Variants in NOC4L observed in about 807,000 individuals in gnomAD.
NOC4L encodes the protein nucleolar complex protein 4 homolog.
Under a neutral mutation model 62.8 loss-of-function variants are expected in NOC4L, and 40 were observed. The ratio of observed to expected loss-of-function variants is 0.64; its 90% CI spans 0.49 to 0.83. The LOEUF (loss-of-function observed/expected upper bound fraction) is 0.83. Among genes scored for constraint, NOC4L ranks in the 40% least tolerant of loss-of-function variants. The pLI is 0.00. For missense variants in NOC4L, 927 were observed against 701.9 expected (o/e 1.32, Z -3.62); for synonymous variants, 433 against 299.8 (o/e 1.44, Z -4.59).
rs751925836 is a variant in NOC4L, at chr12:132,144,955, TGAG to T, written c.223_225del (p.Glu75del). On this transcript the variant is annotated inframe_deletion, in exon 2 of 15. Transcript: ENST00000330579. ...AGCTGTTTGTGGGCCAGCTGCCCTC[TGAG>T]GAGATGGTCATGACAGGTGAGCCCT... 4 of 1,600,262 alleles carry T rather than the reference TGAG, an allele frequency of 2.5e-6. No individual in the cohort carries two copies. Among genetic ancestry groups the T allele is most frequent in the Non-Finnish European group, 3.4e-6 (4 of 1,174,314 alleles).
At position 132,151,009 on chromosome 12, in the gene NOC4L, C is replaced by G. The variant is rs773610896; in HGVS notation, c.930C>G (p.Asn310Lys). The stretch of plus-strand genomic sequence containing the variant: ...GGGCCCTCAGCCTCTTGGCCTTGAA[C>G]GGGCTGTTCATCTTGATTCACAAAC... ...LGGALSLLAL[N>K]GLFILIHKHN... The change falls in exon 10 of 15, where the codon AAC becomes AAG. Residue 310 changes from asparagine to lysine, a missense_variant. Coordinates refer to ENST00000330579, the MANE Select transcript of NOC4L (RefSeq NM_024078.3). 5.0e-6 allele frequency: 8 copies of G among 1,611,162 alleles called. No homozygotes were observed. Among genetic ancestry groups the G allele is most frequent in the Non-Finnish European group, 6.8e-6 (8 of 1,179,148 alleles).
chr12:132,151,490 C>T lies in NOC4L; in HGVS notation c.1080C>T (p.Leu360=), dbSNP rs781010093. The change falls in exon 12 of 15, where the codon CTC becomes CTT. Residue 360 remains leucine, a synonymous_variant. Coordinates refer to ENST00000330579, the MANE Select transcript of NOC4L (RefSeq NM_024078.3). ...CAACCACTGCCCTGCCCAGCCACCTCCCCGCCTACCTGGTGGCCGCCTTCG... is the reference window on the plus strand; with the variant it reads ...CAACCACTGCCCTGCCCAGCCACCTTCCCGCCTACCTGGTGGCCGCCTTCG... ...LADLFLSSSH[L]PAYLVAAFAK... is the part of the protein sequence containing the mutation. The T allele has an allele frequency of 6.9e-6, 11 of 1,602,384 alleles. No individual in the cohort carries two copies. In the African/African-American group the frequency reaches 1.2e-4, roughly 18 times the overall value.
Position 132,151,292 on chromosome 12 carries a change from C to G in NOC4L, c.997C>G (p.Leu333Val), listed in dbSNP as rs769096350. 6.2e-7 allele frequency: 1 copy of G among 1,612,060 alleles called. No individual in the cohort carries two copies. Among genetic ancestry groups the G allele is most frequent in the Non-Finnish European group, 8.5e-7 (1 of 1,179,946 alleles). Reference sequence around the variant, plus strand: ...TGACTTCTACCGGAAGCTCTACGGCCTCTTGGACCCCTCTGTCTTTCACGT... The same window carrying G: ...TGACTTCTACCGGAAGCTCTACGGCGTCTTGGACCCCTCTGTCTTTCACGT... ...YPDFYRKLYG[L>V]LDPSVFHVKY... Residue 333 changes from leucine (L) to valine (V), a missense_variant, in exon 11 of 15, where the codon CTC becomes GTC. Coordinates refer to ENST00000330579, the MANE Select transcript of NOC4L (RefSeq NM_024078.3).
Position 132,151,061 on chromosome 12 carries a change from C to T in NOC4L, c.962+20C>T, listed in dbSNP as rs1385356117. 6.2e-7 allele frequency: 1 copy of T among 1,603,136 alleles called. No homozygotes were observed. The highest frequency in any genetic ancestry group is 1.3e-5 in the African/African-American group (1 of 74,802). Reference sequence around the variant, plus strand: ...CAACCTGTGAGTGTCACCAGGGGTGCAGGTCTTCTTCCCAGTCTGCCCAGC... The same window carrying T: ...CAACCTGTGAGTGTCACCAGGGGTGTAGGTCTTCTTCCCAGTCTGCCCAGC... On this transcript the variant is annotated intron_variant, in intron 10 of 14. Transcript: ENST00000330579.
chr12:132,151,844 T>A (rs749213102), intron 13 of NOC4L, 24 bp downstream of exon 13: 4 of 1,604,710 alleles, frequency 2.5e-6, no homozygotes, highest in South Asian at 1.1e-5. Flanking sequence ...TGCCACACCC[T>A]GGGGCCTCCC....
rs769817973 is a variant in NOC4L at position 132,152,154 on chromosome 12, C to T, written c.1388C>T (p.Pro463Leu). ...GTCATCAACCAGGCCCTGTCCATGC[C>T]TGAGGTCAGCATCGCGCCACTGCTG... is the stretch of plus-strand genomic sequence containing the variant. ...ASVINQALSM[P>L]EVSIAPLLEL... The change falls in exon 14 of 15, where the codon CCT becomes CTT. Residue 463 changes from proline (P) to leucine (L), a missense_variant. Pro to Leu is a moderately conservative substitution (Grantham distance 98). Transcript: ENST00000330579. 3.5e-5 allele frequency: 56 copies of T among 1,612,304 alleles called. No homozygotes were observed. Among genetic ancestry groups the T allele is most frequent in the Non-Finnish European group, 4.5e-5 (53 of 1,179,874 alleles).
In NOC4L at chr12:132,145,625, G is replaced by C; in HGVS notation, c.305G>C (p.Arg102Pro). 6.2e-7 allele frequency: 1 copy of C among 1,613,540 alleles called. No individual in the cohort carries two copies. The highest frequency in any genetic ancestry group is 8.5e-7 in the Non-Finnish European group (1 of 1,179,892). ...CACCGCTATCACAGCTGCTGCAATC[G>C]CTTGGGAGAGCTCCTGGGCCACCCC... Reference protein sequence around the residue: ...MRHRYHSCCNRLGELLGHPSF... With the variant: ...MRHRYHSCCNPLGELLGHPSF... The change falls in exon 3 of 15, where the codon CGC (arginine) becomes CCC (proline). Residue 102 changes from arginine (R) to proline (P), a missense_variant. Arg to Pro is a moderately radical substitution (Grantham distance 103, BLOSUM62 -2). Transcript: ENST00000330579.
intron 6 of NOC4L, 23 bp from the exon 7 acceptor site, chr12:132,148,049 C>T: frequency 1.2e-6 from 2 of 1,613,538 alleles, no homozygotes; most frequent in South Asian, 1.1e-5. Flanking sequence ...GTCAGGTGAC[C>T]TTTGCCCTCG....
rs1181137386 is a variant in NOC4L at position 132,148,091 on chromosome 12, G to T, written c.723G>T (p.Lys241Asn). The T allele has an allele frequency of 1.2e-6, 2 of 1,613,382 alleles. No homozygotes were observed. Among genetic ancestry groups the T allele is most frequent in the Admixed American group, 1.7e-5 (1 of 59,986 alleles). Residue 241 changes from lysine (K) to asparagine (N), a missense_variant, in exon 7 of 15, where the codon AAG becomes AAT. Lys to Asn is a moderately conservative substitution (Grantham distance 94). Coordinates refer to ENST00000330579, the MANE Select transcript of NOC4L (RefSeq NM_024078.3). The stretch of plus-strand genomic sequence containing the variant: ...CTGCAGAGCTGTGGGACACCTGGAA[G>T]GTTGCTCACCTGAAGGTGAGTTGCT... ...VKRAELWDTW[K>N]VAHLKEHRRV...
At chr12:132,146,297 C>T (rs996205182) in intron 3 of NOC4L, 6 of 455,888 alleles carry the variant, frequency 1.3e-5, no homozygotes, top group East Asian at 6.9e-5. Context: ...TCGGCGTGTT[C>T]GAAGTTCGTT....
intron 3 of NOC4L, among the ~76,000 whole-genome samples, chr12:132,146,937 G>C (rs1205400133): frequency 6.6e-6 from 1 of 152,192 alleles, no homozygotes; most frequent in Non-Finnish European, 1.5e-5. Context: ...TCACACGCCT[G>C]TGTTTTCACA....
At position 132,147,923 on chromosome 12, in the gene NOC4L, C is replaced by A. The variant is rs748212526; in HGVS notation, c.647C>A (p.Ala216Asp). Reference sequence around the variant, plus strand: ...AACAATGCCTTCACGCTGCTGTCTGCCGTGAGCCTGCCCCGCCGGGAGCCC... The same window carrying A: ...AACAATGCCTTCACGCTGCTGTCTGACGTGAGCCTGCCCCGCCGGGAGCCC... ...FWNNAFTLLS[A>D]VSLPRREPTV... The change falls in exon 6 of 15, where the codon GCC becomes GAC. Residue 216 changes from alanine to aspartate, a missense_variant. By Grantham distance (126) the Ala-to-Asp change is moderately radical. Coordinates refer to ENST00000330579, the MANE Select transcript of NOC4L (RefSeq NM_024078.3). 1.6e-5 allele frequency: 25 copies of A among 1,602,514 alleles called. No homozygotes were observed. In the East Asian group the frequency reaches 5.2e-4, roughly 33 times the overall value.
chr12:132,148,608 G>A lies in NOC4L; in HGVS notation c.739-1G>A. 1 of 1,549,722 alleles carries A rather than the reference G, an allele frequency of 6.5e-7. No individual in the cohort carries two copies. Among genetic ancestry groups the A allele is most frequent in the Non-Finnish European group, 8.7e-7 (1 of 1,146,382 alleles). On this transcript the variant is annotated splice_acceptor_variant, in intron 7 of 14. Coordinates refer to ENST00000330579, the MANE Select transcript of NOC4L (RefSeq NM_024078.3). LOFTEE classifies it high-confidence loss of function. ...CGAGTGCAGTCTGGACCCCGTTGCA[G>A]GAGCACAGGAGGGTTTTCCAGGCCA...
Position 132,152,284 on chromosome 12 carries a change from C to G in NOC4L, c.1434C>G (p.Ile478Met). 1 of 1,568,270 alleles carries G rather than the reference C, an allele frequency of 6.4e-7. No homozygotes were observed. The highest frequency in any genetic ancestry group is 8.6e-7 in the Non-Finnish European group (1 of 1,157,124). ...CCGCCGTGCTTTGTGCTTTGCAGATCTTTGAGCGGGACCTGAAGAAGAAGG... is the reference window on the plus strand; with the variant it reads ...CCGCCGTGCTTTGTGCTTTGCAGATGTTTGAGCGGGACCTGAAGAAGAAGG... ...APLLELTAYE[I>M]FERDLKKKGP... The change falls in exon 15 of 15, where the codon ATC (isoleucine) becomes ATG (methionine). Residue 478 changes from isoleucine to methionine, a missense_variant and splice_region_variant. Coordinates refer to ENST00000330579, the MANE Select transcript of NOC4L (RefSeq NM_024078.3).
At chr12:132,148,257 T>C (rs1167748375) in intron 7 of NOC4L, 151 bp downstream of exon 7, 10 of 821,770 alleles carry the variant, frequency 1.2e-5, no homozygotes, top group African/African-American at 1.2e-4. Flanking sequence ...TCACTCGAAG[T>C]GTGGGAGGTG....
In NOC4L at chr12:132,147,675, C is replaced by G. The variant is rs754454799; in HGVS notation, c.496C>G (p.Leu166Val). Residue 166 changes from leucine to valine, a missense_variant, in exon 5 of 15, where the codon CTG (leucine) becomes GTG (valine). By Grantham distance (32) the Leu-to-Val change is conservative. Transcript: ENST00000330579. Reference sequence around the variant, plus strand: ...GCTGTCTCCTGAGGAGGACCAGAGCCTGCTCCTGTCCCAGTTCCGGGAGTA... The same window carrying G: ...GCTGTCTCCTGAGGAGGACCAGAGCGTGCTCCTGTCCCAGTTCCGGGAGTA... ...GLLSPEEDQS[L>V]LLSQFREYLD... is the part of the protein sequence containing the mutation. 2.7e-5 allele frequency: 43 copies of G among 1,612,924 alleles called. No homozygotes were observed. The highest frequency in any genetic ancestry group is 3.4e-5 in the Non-Finnish European group (40 of 1,179,946).
Position 132,148,952 on chromosome 12 carries a change from G to A in NOC4L, c.901+57G>A, listed in dbSNP as rs1455166517. On this transcript the variant is annotated intron_variant, in intron 9 of 14. Coordinates refer to ENST00000330579, the MANE Select transcript of NOC4L (RefSeq NM_024078.3). ...CCTAATCCCCTCGGTGAGTGCCGCC[G>A]CCTCACTCCTACCACACCCCTAATC... The A allele has an allele frequency of 2.1e-4, 74 of 356,268 alleles. 2 individuals are homozygous for A. Among genetic ancestry groups the A allele is most frequent in the African/African-American group, 3.4e-4 (10 of 29,364 alleles). 22.1% of individuals were successfully genotyped at this position (356,268 alleles called of 1,614,324 possible).
intron 1 of NOC4L, 71 bp downstream of exon 1, chr12:132,144,676 C>CA: frequency 6.9e-7 from 1 of 1,449,498 alleles, no homozygotes; most frequent in Admixed American, 2.6e-5. Context: ...GCTGCGGCGG[C>CA]AGGTCCCCAG....
chr12:132,144,787 G>C (rs1897643841), intron 1 of NOC4L, 67 bp from the exon 2 acceptor site: 19 of 1,551,938 alleles, frequency 1.2e-5, no homozygotes, highest in Non-Finnish European at 1.6e-5. Flanking sequence ...AACGGGTTGG[G>C]GGCAGCCTAG....
Sources: gnomAD v4.1 joint callset for allele counts (sites outside exome capture counted in the v4.1 genomes callset) on GRCh38, gnomAD v4.1.1 for gene constraint, MANE v1.5 for transcripts, NCBI Gene and HGNC (gene_info 2026-07-23, HGNC 2026-07-21) for gene names.